The following IQCM variants were observed in gnomAD, a reference collection of about 807,000 sequenced individuals.
The protein encoded by IQCM is IQ motif containing M, also known as IQ domain-containing protein M.
Under a neutral mutation model 57.6 loss-of-function variants are expected in IQCM, and 45 were observed. The ratio of observed to expected loss-of-function variants is 0.78; its 90% confidence interval spans 0.62 to 1.00. The LOEUF is 1.00. Ranked by LOEUF, IQCM falls within the 50% of genes least tolerant of loss-of-function variation. The pLI, the probability that IQCM is intolerant of heterozygous loss-of-function variation, is 0.00. For missense variants in IQCM, 468 were observed against 511.6 expected, an observed-to-expected ratio of 0.91 and a Z score of 0.82; for synonymous variants, 148 against 158.9, an observed-to-expected ratio of 0.93 and a Z score of 0.51.
chr4:149,584,341 T>G (rs1752470768), intron 9 of IQCM, among the ~76,000 whole-genome samples: 1 of 151,624 alleles, frequency 6.6e-6, no homozygotes, highest in East Asian at 1.9e-4. Context: ...ATTGAGGAAG[T>G]AGAAAAATTC....
intron 7 of IQCM, 65 bp from the exon 8 acceptor site, chr4:149,621,309 T>A: frequency 1.5e-6 from 1 of 653,730 alleles, no homozygotes; most frequent in Non-Finnish European, 2.2e-6. Flanking sequence ...CTGATTATAT[T>A]GCTTAATGTT....
intron 5 of IQCM, among the ~76,000 whole-genome samples, chr4:149,695,391 T>C (rs1763261451): frequency 6.6e-6 from 1 of 152,220 alleles, no homozygotes; most frequent in Non-Finnish European, 1.5e-5. Flanking sequence ...ATTTTCATTA[T>C]CTCATGAATT....
chr4:149,445,842 AT>A (rs959200035), intron 12 of IQCM, among the ~76,000 whole-genome samples: 1 of 151,714 alleles, frequency 6.6e-6, no homozygotes, highest in African/African-American at 2.4e-5. Context: ...AAGGAATATC[AT>A]TTTTTCCCTG....
intron 12 of IQCM, among the ~76,000 whole-genome samples, chr4:149,456,659 T>C (rs2149703439): frequency 6.6e-6 from 1 of 152,162 alleles, no homozygotes; most frequent in South Asian, 2.1e-4. Flanking sequence ...ATTTTGGATT[T>C]TTTGGTGAGA....
chr4:149,471,066 A>G (rs1054875023), intron 12 of IQCM, among the ~76,000 whole-genome samples: 1 of 152,152 alleles, frequency 6.6e-6, no homozygotes, highest in Non-Finnish European at 1.5e-5. Flanking sequence ...GAACTGGAGA[A>G]GCAAGAGCAA....
chr4:149,368,782 A>C (rs190228862), intron 13 of IQCM, among the ~76,000 whole-genome samples: 1 of 111,974 alleles, frequency 8.9e-6, no homozygotes, highest in Non-Finnish European at 2.0e-5. Flanking sequence ...ATATATATAC[A>C]TGTATATATA....
intron 13 of IQCM, among the ~76,000 whole-genome samples, chr4:149,374,588 A>C (rs376114552): frequency 1.3e-5 from 2 of 152,316 alleles, no homozygotes; most frequent in Non-Finnish European, 1.5e-5. Flanking sequence ...TTATTTTGAT[A>C]GAAAAAGAAA....
chr4:149,758,714 A>G (rs1262500002), intron 2 of IQCM, among the ~76,000 whole-genome samples: 1 of 152,240 alleles, frequency 6.6e-6, no homozygotes, highest in Non-Finnish European at 1.5e-5. Flanking sequence ...GATGCTTTAC[A>G]TTATACATCA....
At chr4:149,512,744 T>C (rs571051055) in intron 12 of IQCM, among the ~76,000 whole-genome samples, 3 of 152,258 alleles carry the variant, frequency 2.0e-5, no homozygotes, top group East Asian at 3.9e-4. Flanking sequence ...CTCATAAATA[T>C]GTGTTTCAAA....
chr4:149,382,582 G>T (rs183765285), intron 13 of IQCM, among the ~76,000 whole-genome samples: 117 of 151,844 alleles, frequency 7.7e-4, no homozygotes, highest in African/African-American at 2.6e-3. Context: ...CTTTCCCTGG[G>T]CATTTTTTTT....
intron 7 of IQCM, among the ~76,000 whole-genome samples, chr4:149,648,395 A>G (rs993990033): frequency 3.3e-5 from 5 of 152,174 alleles, no homozygotes; most frequent in African/African-American, 9.7e-5. Flanking sequence ...TTATGGCTGC[A>G]TAGTATTCCA....
At chr4:149,484,304 T>C (rs1741232755) in intron 12 of IQCM, among the ~76,000 whole-genome samples, 1 of 152,022 alleles carries the variant, frequency 6.6e-6, no homozygotes, top group South Asian at 2.1e-4. Flanking sequence ...TTGCATTCAA[T>C]GTTATTATTG....
chr4:149,693,149 T>G (rs1469416102), intron 5 of IQCM, among the ~76,000 whole-genome samples: 1 of 152,176 alleles, frequency 6.6e-6, no homozygotes. Context: ...AATCATCCAT[T>G]CAATTTCATT....
At chr4:149,394,739 T>C (rs2111101715) in intron 13 of IQCM, among the ~76,000 whole-genome samples, 1 of 152,130 alleles carries the variant, frequency 6.6e-6, no homozygotes, top group Middle Eastern at 3.4e-3. Context: ...GCAAAGGATC[T>C]AGCTTCCACA....
chr4:149,456,620 A>T (rs554038368), intron 12 of IQCM, among the ~76,000 whole-genome samples: 2 of 152,216 alleles, frequency 1.3e-5, no homozygotes, highest in African/African-American at 4.8e-5. Context: ...GTCATGCAAG[A>T]TCTCAAAAAG....
At chr4:149,495,804 C>A (rs780749197) in intron 12 of IQCM, among the ~76,000 whole-genome samples, 3 of 152,106 alleles carry the variant, frequency 2.0e-5, no homozygotes, top group African/African-American at 7.2e-5. Context: ...GAAAATACTT[C>A]TCCTCAGATG....
chr4:149,539,037 A>G (rs1272530846), intron 12 of IQCM, among the ~76,000 whole-genome samples: 1 of 152,134 alleles, frequency 6.6e-6, no homozygotes, highest in Non-Finnish European at 1.5e-5. Context: ...TAGAAGATAA[A>G]TAAAAATGTC....
At chr4:149,758,536 AAG>A (rs1769203303) in intron 2 of IQCM, among the ~76,000 whole-genome samples, 1 of 152,228 alleles carries the variant, frequency 6.6e-6, no homozygotes, top group Admixed American at 6.5e-5. Context: ...TGAGAATGAG[AAG>A]ACAAGCCACA....
chr4:149,723,116 C>T (rs766492047), intron 5 of IQCM, among the ~76,000 whole-genome samples: 2 of 151,852 alleles, frequency 1.3e-5, no homozygotes, highest in African/African-American at 2.4e-5. Context: ...GCAGTGCTAC[C>T]GATTTGTGTA....
Sources: allele counts gnomAD v4.1 joint callset (sites outside exome capture counted in the v4.1 genomes callset), GRCh38; gene constraint gnomAD v4.1.1; transcripts MANE v1.5; gene names NCBI Gene and HGNC (gene_info 2026-07-23, HGNC 2026-07-21).